JPH1: variants seen among roughly 807,000 people sequenced by gnomAD.
JPH1 encodes junctophilin-1.
In JPH1, 12 loss-of-function variants were observed where a neutral mutation model predicts 53.6. The observed-to-expected ratio is 0.22, with a 90% CI of 0.14 to 0.36. The LOEUF is 0.36. Ranked by LOEUF, JPH1 falls within the 10% of genes least tolerant of loss-of-function variation. JPH1 has a pLI of 1.00. For synonymous variants in JPH1, 375 were observed against 363.8 expected, an observed-to-expected ratio of 1.03 and a Z score of -0.35; for missense variants, 808 against 905.5, an observed-to-expected ratio of 0.89 and a Z score of 1.38.
rs914806923 is a variant in JPH1, at chr8:74,320,070, T to C, written c.379+839A>G. 1.2e-4 allele frequency among the ~76,000 whole-genome samples: 18 copies of C among 152,234 alleles called. No individual in the cohort carries two copies. The highest frequency in any genetic ancestry group is 1.9e-4 in the Non-Finnish European group (13 of 68,040). On this transcript the variant is annotated intron_variant, in intron 1 of 5. Coordinates refer to ENST00000342232, the MANE Select transcript of JPH1 (RefSeq NM_020647.4). The surrounding 1 kb of genome is among the most constrained non-coding windows in gnomAD (Gnocchi z 4.4). Reference sequence around the variant, plus strand: ...CATAATGCAAATTATTGTTTCAGTATTGCCATTCTCAGGAGTAGTAGCTGC... The same window carrying C: ...CATAATGCAAATTATTGTTTCAGTACTGCCATTCTCAGGAGTAGTAGCTGC...
At position 74,315,016 on chromosome 8, in the gene JPH1, C is replaced by T. The variant is rs1563424251; in HGVS notation, c.984G>A (p.Glu328=). ...CCAGAATATTATTTTTGTATTTTCCCTCTTCTTTGGAGCCGTCAGGAAACA... is the reference window on the plus strand; with the variant it reads ...CCAGAATATTATTTTTGTATTTTCCTTCTTCTTTGGAGCCGTCAGGAAACA... ...CTVFPDGSKE[E]GKYKNNILVR... Residue 328 remains glutamate (E), a synonymous_variant, in exon 2 of 6, where the codon GAG becomes GAA. Transcript: ENST00000342232. This position sits in a 1 kb window ranked among gnomAD's most constrained non-coding sequence, Gnocchi z 6.3. 1.2e-6 allele frequency: 2 copies of T among 1,614,182 alleles called. No homozygotes were observed. Among genetic ancestry groups the T allele is most frequent in the Non-Finnish European group, 1.7e-6 (2 of 1,180,030 alleles).
At chr8:74,272,443 G>T (rs758831605) in intron 2 of JPH1, among the ~76,000 whole-genome samples, 1 of 152,024 alleles carries the variant, frequency 6.6e-6, no homozygotes, top group Non-Finnish European at 1.5e-5. Context: ...ACTGGCAAAA[G>T]ATCACTGCTG....
chr8:74,302,694 TC>T (rs1354581841), intron 2 of JPH1, among the ~76,000 whole-genome samples: 1 of 152,062 alleles, frequency 6.6e-6, no homozygotes, highest in East Asian at 1.9e-4. Context: ...TGTGACAAGC[TC>T]ACCCAGGATG....
At chr8:74,290,785 A>G (rs1415578664) in intron 2 of JPH1, among the ~76,000 whole-genome samples, 2 of 152,234 alleles carry the variant, frequency 1.3e-5, no homozygotes, top group Non-Finnish European at 2.9e-5. Flanking sequence ...AAACAGAGAT[A>G]TAGACCAATG....
At chr8:74,261,607 G>A (rs775257149) in intron 2 of JPH1, among the ~76,000 whole-genome samples, 28 of 152,168 alleles carry the variant, frequency 1.8e-4, no homozygotes, top group Non-Finnish European at 3.1e-4. Context: ...GCTGAGGTAC[G>A]ATGGGTAATG....
At chr8:74,267,469 G>C (rs191352873) in intron 2 of JPH1, among the ~76,000 whole-genome samples, 3 of 152,206 alleles carry the variant, frequency 2.0e-5, no homozygotes, top group African/African-American at 7.2e-5. Flanking sequence ...CTCTGGGGCA[G>C]CTGCATGTTT....
At chr8:74,276,944 TAA>T (rs1806866247) in intron 2 of JPH1, among the ~76,000 whole-genome samples, 1 of 152,242 alleles carries the variant, frequency 6.6e-6, no homozygotes, top group African/African-American at 2.4e-5. Flanking sequence ...TTAGTTTAAA[TAA>T]GAGTATAATC....
chr8:74,306,522 C>T (rs1272163884), intron 2 of JPH1, among the ~76,000 whole-genome samples: 6 of 151,968 alleles, frequency 3.9e-5, no homozygotes, highest in Admixed American at 3.3e-4. Flanking sequence ...CACCCAGACT[C>T]TGAAGTTCAG....
At chr8:74,243,484 ATAAGT>A (rs1805758872) in intron 4 of JPH1, among the ~76,000 whole-genome samples, 2 of 152,384 alleles carry the variant, frequency 1.3e-5, no homozygotes, top group South Asian at 4.1e-4. Context: ...AATTTTAAGC[ATAAGT>A]TAACAGAGGA....
At chr8:74,284,203 G>C (rs1485233565) in intron 2 of JPH1, among the ~76,000 whole-genome samples, 1 of 152,196 alleles carries the variant, frequency 6.6e-6, no homozygotes, top group Non-Finnish European at 1.5e-5. Flanking sequence ...CACATTTTTG[G>C]AACAGTAAAC....
intron 2 of JPH1, among the ~76,000 whole-genome samples, chr8:74,284,389 T>C (rs1807100485): frequency 6.6e-6 from 1 of 152,188 alleles, no homozygotes; most frequent in African/African-American, 2.4e-5. Flanking sequence ...GTGGTGTATG[T>C]CAGCTAGCTA....
chr8:74,301,207 C>T (rs749314425), intron 2 of JPH1, among the ~76,000 whole-genome samples: 4 of 152,092 alleles, frequency 2.6e-5, no homozygotes, highest in African/African-American at 7.2e-5. Flanking sequence ...ACCAGGCCTC[C>T]GGTCCTGGCC....
intron 2 of JPH1, among the ~76,000 whole-genome samples, chr8:74,262,402 G>T (rs1441244136): frequency 5.9e-5 from 9 of 152,190 alleles, no homozygotes; most frequent in African/African-American, 1.9e-4. Flanking sequence ...CTTGCGTTGG[G>T]GGGTGGGATT....
At chr8:74,255,514 G>T (rs1199542294) in intron 3 of JPH1, among the ~76,000 whole-genome samples, 1 of 152,054 alleles carries the variant, frequency 6.6e-6, no homozygotes, top group African/African-American at 2.4e-5. Flanking sequence ...AACACCAAAA[G>T]CAATGGCAAC....
rs1422241538 is a variant in JPH1, at chr8:74,315,301, C to G, written c.699G>C (p.Ser233=). ...LRKSESKSSI[S]SKRSSVRSDA... ...CGCTGCGGACAGAGCTGCGCTTGCTCGAGATGGAAGACTTGGATTCGGACT... is the reference window on the plus strand; with the variant it reads ...CGCTGCGGACAGAGCTGCGCTTGCTGGAGATGGAAGACTTGGATTCGGACT... Residue 233 remains serine, a synonymous_variant, in exon 2 of 6, where the codon TCG becomes TCC. Transcript: ENST00000342232. This position sits in a 1 kb window ranked among gnomAD's most constrained non-coding sequence, Gnocchi z 6.3. The G allele has an allele frequency of 2.5e-6, 4 of 1,614,016 alleles. No homozygotes were observed. The highest frequency in any genetic ancestry group is 3.4e-6 in the Non-Finnish European group (4 of 1,180,034).
intron 4 of JPH1, among the ~76,000 whole-genome samples, chr8:74,238,091 G>T (rs541173075): frequency 5.9e-5 from 9 of 152,256 alleles, no homozygotes; most frequent in Admixed American, 1.3e-4. Flanking sequence ...TTATTACAAA[G>T]ACATGATTGT....
At chr8:74,246,766 C>T (rs1805873819) in intron 3 of JPH1, among the ~76,000 whole-genome samples, 1 of 152,208 alleles carries the variant, frequency 6.6e-6, no homozygotes, top group Non-Finnish European at 1.5e-5. Context: ...CTAGAAGATA[C>T]ATCCACTCCT....
chr8:74,296,243 T>C (rs575695201), intron 2 of JPH1, among the ~76,000 whole-genome samples: 66 of 152,338 alleles, frequency 4.3e-4, no homozygotes, highest in African/African-American at 1.4e-3. Flanking sequence ...TTATTAGCTA[T>C]ATAGTATATA....
chr8:74,295,144 C>T (rs966509070), intron 2 of JPH1, among the ~76,000 whole-genome samples: 3 of 152,138 alleles, frequency 2.0e-5, no homozygotes, highest in Non-Finnish European at 4.4e-5. Context: ...AGCTTTTCTC[C>T]CCTTTCTATT....
Sources: allele counts gnomAD v4.1 joint callset (sites outside exome capture counted in the v4.1 genomes callset), GRCh38; gene constraint gnomAD v4.1.1; non-coding constraint Gnocchi (gnomAD v3.1); transcripts MANE v1.5; gene names NCBI Gene and HGNC (gene_info 2026-07-23, HGNC 2026-07-21).